Variants in NCOR1 observed in about 807,000 individuals in gnomAD.
NCOR1 encodes nuclear receptor corepressor 1, also known as protein phosphatase 1, regulatory subunit 109.
In NCOR1, 63 loss-of-function variants were observed where a neutral mutation model predicts 288.1. The observed-to-expected ratio is 0.22, with a 90% CI of 0.18 to 0.27. The LOEUF is 0.27. Among genes scored for constraint, NCOR1 ranks in the 10% least tolerant of loss-of-function variants. The pLI, the probability that NCOR1 is intolerant of heterozygous loss-of-function variation, is 1.00. For missense variants in NCOR1, 2,397 were observed against 3,019.2 expected (o/e 0.79, Z 4.83); for synonymous variants, 1,007 against 1,065.9 (o/e 0.94, Z 1.08).
chr17:16,074,523 G>A (rs2062153957), intron 27 of NCOR1, among the ~76,000 whole-genome samples: 1 of 152,176 alleles, frequency 6.6e-6, no homozygotes, highest in South Asian at 2.1e-4. Flanking sequence ...AACAAAATGT[G>A]AATCATAATA....
At chr17:16,042,020 C>T (rs1158205017) in intron 42 of NCOR1, among the ~76,000 whole-genome samples, 2 of 152,116 alleles carry the variant, frequency 1.3e-5, no homozygotes, top group Non-Finnish European at 2.9e-5. Context: ...AGGTGTGAGC[C>T]ACCGTGCCCG....
intron 21 of NCOR1, among the ~76,000 whole-genome samples, chr17:16,095,827 A>G (rs2066492266): frequency 6.6e-6 from 1 of 151,944 alleles, no homozygotes; most frequent in African/African-American, 2.4e-5. Flanking sequence ...GGGAGGAGGT[A>G]CCCAACAGCT....
intron 9 of NCOR1, 27 bp downstream of exon 9, chr17:16,149,424 T>G (rs1360806337): frequency 5.1e-6 from 7 of 1,371,714 alleles, no homozygotes; most frequent in Non-Finnish European, 7.0e-6. Flanking sequence ...GCTGTATAAA[T>G]TTCAGTTAAC....
At chr17:16,110,264 G>T (rs2069758278) in intron 18 of NCOR1, among the ~76,000 whole-genome samples, 1 of 151,948 alleles carries the variant, frequency 6.6e-6, no homozygotes, top group Admixed American at 6.5e-5. Context: ...ACTGAGCCAG[G>T]GAGATCGCTT....
intron 10 of NCOR1, among the ~76,000 whole-genome samples, chr17:16,145,735 T>A (rs369656060): frequency 2.0e-5 from 3 of 151,310 alleles, no homozygotes; most frequent in Non-Finnish European, 4.4e-5. Flanking sequence ...CCCTGCCCAG[T>A]CAGCCGCCCC....
chr17:16,065,126 T>A, intron 33 of NCOR1, 107 bp from the exon 34 acceptor site: 3 of 1,017,586 alleles, frequency 2.9e-6, no homozygotes, highest in Non-Finnish European at 1.4e-6. Flanking sequence ...AATTTGTACA[T>A]AATATAAATA....
Position 16,098,457 on chromosome 17 carries a change from G to C in NCOR1, c.2730C>G (p.Pro910=). The C allele has an allele frequency of 1.2e-6, 2 of 1,613,698 alleles. No individual in the cohort carries two copies. Among genetic ancestry groups the C allele is most frequent in the South Asian group, 2.2e-5 (2 of 91,016 alleles). ...PMDSKPSLLN[P]TGSILVSSPL... is the part of the protein sequence containing the mutation. ...GAGATGAGACGAGTATAGATCCAGTGGGGTTTAACAGTGAAGGCTTTGAGT... is the reference window on the plus strand; with the variant it reads ...GAGATGAGACGAGTATAGATCCAGTCGGGTTTAACAGTGAAGGCTTTGAGT... The change falls in exon 21 of 46, where the codon CCC becomes CCG. Residue 910 remains proline (P), a synonymous_variant. Coordinates refer to ENST00000268712, the MANE Select transcript of NCOR1 (RefSeq NM_006311.4).
intron 14 of NCOR1, among the ~76,000 whole-genome samples, chr17:16,127,617 G>C (rs183087884): frequency 7.8e-6 from 1 of 128,470 alleles, no homozygotes; most frequent in Non-Finnish European, 1.6e-5. Flanking sequence ...ATATGTGTAT[G>C]TGTATATATA....
intron 18 of NCOR1, among the ~76,000 whole-genome samples, chr17:16,111,974 A>G (rs1463169348): frequency 6.6e-6 from 1 of 152,050 alleles, no homozygotes; most frequent in Non-Finnish European, 1.5e-5. Context: ...GGTTCAGGCC[A>G]TTCTCCTGCC....
rs1041404278 is a variant in NCOR1 at position 16,159,661 on chromosome 17, T to C, written c.619-788A>G. Among the ~76,000 whole-genome samples, 6 of 151,978 alleles carry C rather than the reference T, an allele frequency of 3.9e-5. No individual in the cohort carries two copies. In the South Asian group the frequency reaches 6.2e-4, roughly 16 times the overall value. On this transcript the variant is annotated intron_variant, in intron 5 of 45. Transcript: ENST00000268712. Reference sequence around the variant, plus strand: ...GCACCATGCCACCCTCAACACCCAATCTTCATGTGTTACAGTGCTCCGGTC... The same window carrying C: ...GCACCATGCCACCCTCAACACCCAACCTTCATGTGTTACAGTGCTCCGGTC...
In NCOR1 at chr17:16,176,258, T is replaced by TTTTTG. The variant is rs556748401; in HGVS notation, c.243-4268_243-4264dup. Among the ~76,000 whole-genome samples the TTTTTG allele has an allele frequency of 5.3e-3, 812 of 152,022 alleles. 6 individuals carry two copies. The highest frequency in any genetic ancestry group is 0.019 in the African/African-American group (769 of 41,482). ...AGAAAAAAAAGAAATTCTTTCAGGT[T>TTTTTG]TTTTGTTTTGTTTTGCTTTGTTTTG... On this transcript the variant is annotated intron_variant, in intron 3 of 45. Coordinates refer to ENST00000268712, the MANE Select transcript of NCOR1 (RefSeq NM_006311.4).
intron 40 of NCOR1, among the ~76,000 whole-genome samples, chr17:16,055,935 G>A (rs1375554779): frequency 6.6e-6 from 1 of 152,142 alleles, no homozygotes. Context: ...CCAGTTTGGG[G>A]GTCGGGGCAA....
intron 21 of NCOR1, among the ~76,000 whole-genome samples, chr17:16,092,553 C>T (rs1258291878): frequency 2.0e-5 from 3 of 149,284 alleles, no homozygotes; most frequent in Non-Finnish European, 4.4e-5. Context: ...TCAGAAATTA[C>T]AACACATCTG....
intron 45 of NCOR1, among the ~76,000 whole-genome samples, chr17:16,034,179 T>TC (rs1973421262): frequency 6.6e-6 from 1 of 152,236 alleles, no homozygotes; most frequent in Non-Finnish European, 1.5e-5. Context: ...TAGTCAATGT[T>TC]CGCTACCAGT....
At chr17:16,044,154 G>A (rs1172805306) in intron 42 of NCOR1, among the ~76,000 whole-genome samples, 2 of 117,416 alleles carry the variant, frequency 1.7e-5, no homozygotes, top group Non-Finnish European at 1.6e-5. Flanking sequence ...GGGCCACAGA[G>A]TAAGACTCCA....
intron 40 of NCOR1, chr17:16,057,046 C>T (rs1230124968): frequency 1.9e-5 from 3 of 154,256 alleles, no homozygotes; most frequent in Admixed American, 1.3e-4. Context: ...GTTGCCCAGG[C>T]TGGTCTCAAA....
At chr17:16,184,615 G>A (rs1406186630) in intron 3 of NCOR1, among the ~76,000 whole-genome samples, 1 of 152,132 alleles carries the variant, frequency 6.6e-6, no homozygotes, top group African/African-American at 2.4e-5. Context: ...ACTGCTGGTG[G>A]TAACGTAAAT....
Position 16,046,964 on chromosome 17 carries a change from A to T in NCOR1, c.6666T>A (p.Gly2222=). ...IFRKLNSSGG[G]DSDMAAAQPG... ...AATCCCACTTACCCATATCAGAGTC[A>T]CCTCCACCAGAGGAGTTCAACTTAC... Residue 2222 remains glycine, a synonymous_variant, in exon 42 of 46, where the codon GGT becomes GGA. Transcript: ENST00000268712. The T allele has an allele frequency of 6.2e-7, 1 of 1,613,826 alleles. No individual in the cohort carries two copies. Among genetic ancestry groups the T allele is most frequent in the Non-Finnish European group, 8.5e-7 (1 of 1,179,900 alleles).
At chr17:16,122,797 T>C (rs1201531582) in intron 15 of NCOR1, among the ~76,000 whole-genome samples, 1 of 152,112 alleles carries the variant, frequency 6.6e-6, no homozygotes, top group East Asian at 1.9e-4. Flanking sequence ...CCAGCATACC[T>C]GGTTAATTTT....
Sources: allele counts gnomAD v4.1 joint callset (sites outside exome capture counted in the v4.1 genomes callset), GRCh38; gene constraint gnomAD v4.1.1; transcripts MANE v1.5; gene names NCBI Gene and HGNC (gene_info 2026-07-23, HGNC 2026-07-21).